FOXJ3: variants seen among roughly 807,000 people sequenced by gnomAD.
FOXJ3 encodes forkhead box protein J3.
Under a neutral mutation model 76.1 loss-of-function variants are expected in FOXJ3, and 22 were observed. That is an observed-to-expected ratio of 0.29 (90% CI 0.21 to 0.41). The LOEUF (loss-of-function observed/expected upper bound fraction) is 0.41. Among genes scored for constraint, FOXJ3 ranks in the 10% least tolerant of loss-of-function variants. FOXJ3 has a pLI of 1.00. For missense variants in FOXJ3, 613 were observed against 762.1 expected (o/e 0.80, Z 2.30); for synonymous variants, 269 against 261.2 (o/e 1.03, Z -0.29).
At chr1:42,183,632 A>G (rs1480609585) in intron 11 of FOXJ3, among the ~76,000 whole-genome samples, 2 of 152,090 alleles carry the variant, frequency 1.3e-5, no homozygotes, top group Non-Finnish European at 2.9e-5. Context: ...TATTTCATGT[A>G]AATTACACTT....
chr1:42,179,946 A>C (rs1448056228), intron 12 of FOXJ3, 121 bp from the exon 13 acceptor site: 8 of 648,134 alleles, frequency 1.2e-5, no homozygotes, highest in Non-Finnish European at 2.2e-5. Context: ...TTCAACCATA[A>C]GCCTTCAAAA....
intron 4 of FOXJ3, among the ~76,000 whole-genome samples, chr1:42,246,828 T>C (rs1274786121): frequency 1.3e-5 from 2 of 152,112 alleles, no homozygotes; most frequent in Admixed American, 6.5e-5. Context: ...AAAGAACATA[T>C]GGTATATATA....
chr1:42,312,813 G>A (rs555171310), intron 1 of FOXJ3, among the ~76,000 whole-genome samples: 1 of 152,310 alleles, frequency 6.6e-6, no homozygotes, highest in African/African-American at 2.4e-5. Context: ...CAAGAGAACT[G>A]CCAGGAAAAC....
intron 4 of FOXJ3, among the ~76,000 whole-genome samples, chr1:42,236,552 C>T (rs1019264733): frequency 1.3e-5 from 2 of 152,176 alleles, no homozygotes; most frequent in East Asian, 1.9e-4. Flanking sequence ...ATAAAATGCA[C>T]GCATTTTAAG....
chr1:42,198,842 T>C (rs1512696), intron 7 of FOXJ3, among the ~76,000 whole-genome samples: 5,502 of 152,250 alleles, frequency 0.036, 125 homozygotes, highest in Middle Eastern at 0.089. Flanking sequence ...TCCAATTGCT[T>C]TTCTCTTGGA....
chr1:42,237,427 T>TATATACAC (rs1166082659), intron 4 of FOXJ3, among the ~76,000 whole-genome samples: 12 of 129,918 alleles, frequency 9.2e-5, no homozygotes, highest in African/African-American at 3.0e-4. Context: ...TATATATATA[T>TATATACAC]ACATACATAC....
chr1:42,301,962 T>G (rs1654177988), intron 2 of FOXJ3, among the ~76,000 whole-genome samples: 1 of 152,160 alleles, frequency 6.6e-6, no homozygotes, highest in African/African-American at 2.4e-5. Flanking sequence ...TTGCTTTCAT[T>G]TGGATGTGAT....
intron 6 of FOXJ3, among the ~76,000 whole-genome samples, chr1:42,202,002 ATATC>A (rs1262541165): frequency 6.6e-6 from 1 of 152,104 alleles, no homozygotes; most frequent in Non-Finnish European, 1.5e-5. Flanking sequence ...TAAGATGTTC[ATATC>A]TATCCTTCAT....
chr1:42,243,870 C>T (rs756881177), intron 4 of FOXJ3, among the ~76,000 whole-genome samples: 1 of 152,146 alleles, frequency 6.6e-6, no homozygotes, highest in South Asian at 2.1e-4. Context: ...GCAGAATACC[C>T]GTTGTTCCCA....
intron 2 of FOXJ3, among the ~76,000 whole-genome samples, chr1:42,283,182 T>A (rs1169822887): frequency 6.6e-6 from 1 of 152,196 alleles, no homozygotes; most frequent in Non-Finnish European, 1.5e-5. Context: ...GAAAAGCATA[T>A]ACTGTTACCT....
intron 4 of FOXJ3, among the ~76,000 whole-genome samples, chr1:42,236,764 C>A (rs551272113): frequency 6.6e-6 from 1 of 152,302 alleles, no homozygotes; most frequent in South Asian, 2.1e-4. Flanking sequence ...AAACTATTTT[C>A]CACTCTCGAC....
At chr1:42,291,751 G>C (rs1653451471) in intron 2 of FOXJ3, among the ~76,000 whole-genome samples, 1 of 152,232 alleles carries the variant, frequency 6.6e-6, no homozygotes, top group Non-Finnish European at 1.5e-5. Context: ...CTGTACTCCA[G>C]CCTGGGCAAC....
intron 1 of FOXJ3, among the ~76,000 whole-genome samples, chr1:42,332,121 T>C (rs189256029): frequency 6.6e-6 from 1 of 152,350 alleles, no homozygotes; most frequent in Admixed American, 6.5e-5. Context: ...CACCCTGCCC[T>C]TGTAGAAAAT....
intron 6 of FOXJ3, among the ~76,000 whole-genome samples, chr1:42,203,433 T>C (rs1452558975): frequency 4.6e-5 from 7 of 152,192 alleles, no homozygotes; most frequent in Non-Finnish European, 1.0e-4. Context: ...TTTCGGCAGA[T>C]AGAATATTAG....
At chr1:42,185,832 A>G (rs1569771685) in intron 11 of FOXJ3, among the ~76,000 whole-genome samples, 1 of 152,120 alleles carries the variant, frequency 6.6e-6, no homozygotes, top group East Asian at 1.9e-4. Flanking sequence ...CCCCTTCCAC[A>G]CTAGCACACT....
chr1:42,221,422 G>C (rs1211342893), intron 5 of FOXJ3, among the ~76,000 whole-genome samples: 1 of 152,184 alleles, frequency 6.6e-6, no homozygotes, highest in Non-Finnish European at 1.5e-5. Flanking sequence ...TTATCAAGAT[G>C]ATAAAAGTAA....
At chr1:42,255,910 T>C (rs1650550242) in intron 4 of FOXJ3, among the ~76,000 whole-genome samples, 1 of 152,152 alleles carries the variant, frequency 6.6e-6, no homozygotes, top group Admixed American at 6.5e-5. Context: ...TAGTCCCAGC[T>C]ACTCGGGAGG....
At chr1:42,279,606 G>C (rs907175386) in intron 2 of FOXJ3, among the ~76,000 whole-genome samples, 16 of 152,080 alleles carry the variant, frequency 1.1e-4, no homozygotes, top group African/African-American at 3.1e-4. Flanking sequence ...TCCTCGAAAA[G>C]GGAGAAAGCT....
chr1:42,201,786 T>G (rs1176428101), intron 6 of FOXJ3, among the ~76,000 whole-genome samples: 2 of 152,188 alleles, frequency 1.3e-5, no homozygotes, highest in Non-Finnish European at 2.9e-5. Flanking sequence ...AGTGTTTATA[T>G]ACAATCAATA....
Sources: allele counts gnomAD v4.1 joint callset (sites outside exome capture counted in the v4.1 genomes callset), GRCh38; gene constraint gnomAD v4.1.1; transcripts MANE v1.5; gene names NCBI Gene and HGNC (gene_info 2026-07-23, HGNC 2026-07-21).